The following TNRC6C variants were observed in gnomAD, a reference collection of about 807,000 sequenced individuals.
The protein encoded by TNRC6C is trinucleotide repeat containing adaptor 6C.
TNRC6C carries 20 observed loss-of-function variants against 153.7 expected under a neutral mutation model. The ratio of observed to expected loss-of-function variants is 0.13; its 90% confidence interval spans 0.09 to 0.19. The LOEUF is 0.19. TNRC6C is among the 10% of genes least tolerant of loss of function. The pLI is 1.00. For synonymous variants in TNRC6C, 811 were observed against 841.4 expected (o/e 0.96, Z 0.63); for missense variants, 1,987 against 2,172.0 (o/e 0.91, Z 1.69).
At chr17:78,050,947 G>T in exon 3 of TNRC6C, 1 of 1,613,938 alleles carries the variant, frequency 6.2e-7, no homozygotes. Context: ...GTCAGGGTCT[G>T]GTTGGAATGA....
chr17:78,066,190 CA>C (rs1201781144), intron 4 of TNRC6C: 1 of 150,082 alleles, frequency 6.7e-6, no homozygotes, highest in Non-Finnish European at 1.5e-5. Flanking sequence ...AAGATCAGGC[CA>C]CTGCACTGTA....
At chr17:78,018,210 T>C (rs2071765499) in intron 1 of TNRC6C, among the ~76,000 whole-genome samples, 1 of 152,200 alleles carries the variant, frequency 6.6e-6, no homozygotes, top group East Asian at 1.9e-4. Flanking sequence ...CACTGCAACC[T>C]CCACCTCCCG....
intron 16 of TNRC6C, among the ~76,000 whole-genome samples, chr17:78,094,524 C>G (rs1021956133): frequency 2.6e-5 from 4 of 151,878 alleles, no homozygotes; most frequent in African/African-American, 9.7e-5. Flanking sequence ...CTGCAACCTC[C>G]GCCTCGCAGG....
At chr17:78,094,208 C>G (rs1321862290) in intron 16 of TNRC6C, among the ~76,000 whole-genome samples, 1 of 152,034 alleles carries the variant, frequency 6.6e-6, no homozygotes, top group African/African-American at 2.4e-5. Flanking sequence ...TCTCGAACTC[C>G]TGACCTCAGG....
upstream of TNRC6C, among the ~76,000 whole-genome samples, chr17:78,001,511 A>G (rs2071411503): frequency 6.6e-6 from 1 of 152,214 alleles, no homozygotes; most frequent in Non-Finnish European, 1.5e-5. Flanking sequence ...ATATGATAAC[A>G]TTCACACCAT....
rs199795094 is a variant in TNRC6C, at chr17:78,079,089, TA to T, written c.3211-293del. On this transcript the variant is annotated intron_variant, in intron 9 of 19. Coordinates refer to ENST00000301624, the Ensembl canonical transcript of TNRC6C. This position sits in a 1 kb window ranked among gnomAD's most constrained non-coding sequence, Gnocchi z 4.3. ...CTGGGTGACAGAGCAAAACTCCATC[TA>T]AAAAAAAAAAAAGCCAGGCATAGTG... is the stretch of plus-strand genomic sequence containing the variant. Among the ~76,000 whole-genome samples, 605 of 130,166 alleles carry T rather than the reference TA, an allele frequency of 4.6e-3. No individual in the cohort carries two copies. Among genetic ancestry groups the T allele is most frequent in the Admixed American group, 4.5e-3 (58 of 12,856 alleles). 85.4% of individuals were successfully genotyped at this position (130,166 alleles called of 152,430 possible).
upstream of TNRC6C, among the ~76,000 whole-genome samples, chr17:78,002,840 T>A (rs746824519): frequency 3.3e-5 from 5 of 152,246 alleles, no homozygotes; most frequent in African/African-American, 4.8e-5. Flanking sequence ...TAGCACATGT[T>A]AGTTGTATAG....
chr17:78,055,067 G>A (rs904633159), intron 3 of TNRC6C, among the ~76,000 whole-genome samples: 3 of 152,216 alleles, frequency 2.0e-5, no homozygotes, highest in South Asian at 4.1e-4. Flanking sequence ...CACCACTGTA[G>A]ACTGCTGTAG....
At chr17:78,051,480 T>TAAAA (rs201980311) in intron 3 of TNRC6C, 32 bp downstream of exon 5, 17 of 1,132,544 alleles carry the variant, frequency 1.5e-5, no homozygotes, top group Admixed American at 4.2e-5. Context: ...TCTTTACAAG[T>TAAAA]AAAAAAAAAA....
chr17:78,041,180 G>C (rs1391888968), intron 2 of TNRC6C: 2 of 152,372 alleles, frequency 1.3e-5, no homozygotes, highest in East Asian at 3.9e-4. Flanking sequence ...GGAACAAATA[G>C]TGGCTGCTTC....
chr17:78,002,397 C>T (rs9895798), upstream of TNRC6C, among the ~76,000 whole-genome samples: 2,327 of 152,282 alleles, frequency 0.015, 69 homozygotes, highest in African/African-American at 0.054. Context: ...GGACATGTGG[C>T]TCCCGACTGT....
At chr17:78,003,816 C>T (rs925702507), upstream of TNRC6C, among the ~76,000 whole-genome samples, 2 of 152,178 alleles carry the variant, frequency 1.3e-5, no homozygotes, top group Non-Finnish European at 2.9e-5. Flanking sequence ...GTAATCCCAG[C>T]ACTTTGGGAG....
chr17:78,043,590 C>G (rs1232937390), intron 2 of TNRC6C, among the ~76,000 whole-genome samples: 2 of 152,158 alleles, frequency 1.3e-5, no homozygotes, highest in Non-Finnish European at 2.9e-5. Context: ...CTATTATACT[C>G]TTTTATGTAT....
intron 4 of TNRC6C, 106 bp downstream of exon 6, chr17:78,065,043 C>A: frequency 1.5e-6 from 2 of 1,294,404 alleles, no homozygotes; most frequent in Non-Finnish European, 2.1e-6. Flanking sequence ...TATATTTACA[C>A]TTTAACTACA....
chr17:78,102,500 G>A, exon 18 of TNRC6C: 1 of 1,608,086 alleles, frequency 6.2e-7, no homozygotes, highest in Non-Finnish European at 8.5e-7. Flanking sequence ...CGACACCTCA[G>A]GAAGAACCAG....
At chr17:78,067,053 A>T (rs1598751254) in intron 4 of TNRC6C, 1 of 152,262 alleles carries the variant, frequency 6.6e-6, no homozygotes, top group African/African-American at 2.4e-5. Flanking sequence ...CCCATATACA[A>T]ATTTTCCTGC....
intron 2 of TNRC6C, among the ~76,000 whole-genome samples, chr17:78,034,877 G>A (rs2072148920): frequency 6.6e-6 from 1 of 152,172 alleles, no homozygotes; most frequent in Non-Finnish European, 1.5e-5. Context: ...GCTGAGGTGG[G>A]ACAATCGCTT....
chr17:78,049,154 C>T lies in TNRC6C; in HGVS notation c.92C>T (p.Pro31Leu), dbSNP rs2072467034. The T allele has an allele frequency of 1.2e-6, 2 of 1,611,932 alleles. No homozygotes were observed. Among genetic ancestry groups the T allele is most frequent in the African/African-American group, 2.7e-5 (2 of 74,894 alleles). Residue 31 changes from proline to leucine, a missense_variant, in exon 3 of 20, where the codon CCT becomes CTT. Physicochemically the swap from Pro to Leu is moderately conservative, Grantham distance 98. Coordinates refer to ENST00000301624, the Ensembl canonical transcript of TNRC6C. The surrounding 1 kb of genome is among the most constrained non-coding windows in gnomAD (Gnocchi z 4.1). ...ACCAATGGCGCACTCGTCCAAAGCC[C>T]TTCTAATCAGAGTGCCCTTGGAGCA... is the stretch of plus-strand genomic sequence containing the variant.
intron 1 of TNRC6C, among the ~76,000 whole-genome samples, chr17:77,990,405 C>A (rs948291919): frequency 1.3e-5 from 2 of 152,202 alleles, no homozygotes; most frequent in African/African-American, 4.8e-5. Context: ...TAACCTAAGT[C>A]TTCCCCACCA....
Sources: gnomAD v4.1 joint callset for allele counts (sites outside exome capture counted in the v4.1 genomes callset) on GRCh38, gnomAD v4.1.1 for gene constraint, Gnocchi (gnomAD v3.1) non-coding constraint, MANE v1.5 for transcripts, NCBI Gene and HGNC (gene_info 2026-07-23, HGNC 2026-07-21) for gene names.